The following IQCJ variants were observed in gnomAD, a reference collection of about 807,000 sequenced individuals.
IQCJ encodes the protein IQ domain-containing protein J.
In IQCJ, 9 loss-of-function variants were observed where a neutral mutation model predicts 11.0. The ratio of observed to expected loss-of-function variants is 0.82; its 90% CI spans 0.49 to 1.43. The LOEUF is 1.43. Ranked by LOEUF, IQCJ falls within the 40% of genes most tolerant of loss-of-function variation. IQCJ has a pLI of 0.00. For missense variants in IQCJ, 146 were observed against 133.2 expected (o/e 1.10, Z -0.47); for synonymous variants, 55 against 51.3 (o/e 1.07, Z -0.31).
At chr3:159,072,097 A>T (rs1357878609) in intron 1 of IQCJ, among the ~76,000 whole-genome samples, 1 of 152,160 alleles carries the variant, frequency 6.6e-6, no homozygotes, top group Non-Finnish European at 1.5e-5. Context: ...CTCCTGTTTA[A>T]AGATACCATT....
intron 1 of IQCJ, among the ~76,000 whole-genome samples, chr3:159,129,168 CT>C (rs1719848790): frequency 6.6e-6 from 1 of 152,142 alleles, no homozygotes; most frequent in Non-Finnish European, 1.5e-5. Context: ...GTATTTCCAT[CT>C]CGTAGATAAG....
chr3:159,221,991 A>G (rs1456478426), intron 1 of IQCJ, among the ~76,000 whole-genome samples: 2 of 152,170 alleles, frequency 1.3e-5, no homozygotes, highest in African/African-American at 4.8e-5. Context: ...TCTGACTAAT[A>G]TTGAAAAACA....
At chr3:159,219,354 G>T (rs1725409798) in intron 1 of IQCJ, among the ~76,000 whole-genome samples, 1 of 152,076 alleles carries the variant, frequency 6.6e-6, no homozygotes, top group Admixed American at 6.6e-5. Flanking sequence ...AGGAAGGATG[G>T]AGGGAAGTCT....
At chr3:159,194,679 ACTT>A (rs1448297981) in intron 1 of IQCJ, among the ~76,000 whole-genome samples, 1 of 152,146 alleles carries the variant, frequency 6.6e-6, no homozygotes, top group African/African-American at 2.4e-5. Context: ...TTAGCATCCT[ACTT>A]CTTTGAACCA....
At chr3:159,076,295 G>C (rs1418130212) in intron 1 of IQCJ, among the ~76,000 whole-genome samples, 2 of 152,020 alleles carry the variant, frequency 1.3e-5, no homozygotes, top group Non-Finnish European at 2.9e-5. Flanking sequence ...GACAATTTGA[G>C]CTCATACTTT....
chr3:159,161,866 C>T (rs1159599421), intron 1 of IQCJ, among the ~76,000 whole-genome samples: 1 of 152,130 alleles, frequency 6.6e-6, no homozygotes, highest in Non-Finnish European at 1.5e-5. Flanking sequence ...TTTCTGAGGG[C>T]TCTGTTCTGT....
chr3:159,205,667 C>G (rs1258481935), intron 1 of IQCJ, among the ~76,000 whole-genome samples: 1 of 152,162 alleles, frequency 6.6e-6, no homozygotes, highest in Non-Finnish European at 1.5e-5. Context: ...GGCCAGACAT[C>G]TTTTTTGGTA....
chr3:159,246,848 T>C (rs888983687), intron 2 of IQCJ, among the ~76,000 whole-genome samples: 2 of 152,048 alleles, frequency 1.3e-5, no homozygotes, highest in Admixed American at 6.6e-5. Flanking sequence ...CTCCAGAAAA[T>C]AGAACAAGAG....
intron 1 of IQCJ, among the ~76,000 whole-genome samples, chr3:159,206,800 G>T (rs1724680637): frequency 1.3e-5 from 2 of 152,258 alleles, no homozygotes; most frequent in Non-Finnish European, 2.9e-5. Flanking sequence ...AGCAACCAAA[G>T]AACTCTGATA....
intron 1 of IQCJ, among the ~76,000 whole-genome samples, chr3:159,153,326 G>A (rs746423831): frequency 3.3e-5 from 5 of 152,036 alleles, no homozygotes; most frequent in South Asian, 2.1e-4. Context: ...CCCAAATAAC[G>A]GAAACCCTCT....
chr3:159,193,717 A>G (rs13059800), intron 1 of IQCJ, among the ~76,000 whole-genome samples: 20,980 of 152,112 alleles, frequency 0.14, 1,632 homozygotes, highest in Middle Eastern at 0.2. Context: ...AATGTAATCA[A>G]CTTGCCACCA....
intron 1 of IQCJ, among the ~76,000 whole-genome samples, chr3:159,125,575 G>C (rs563154466): frequency 6.6e-6 from 1 of 152,304 alleles, no homozygotes; most frequent in South Asian, 2.1e-4. Flanking sequence ...TACTACGTTT[G>C]TATTTTTCCT....
At chr3:159,135,714 C>G (rs1720250736) in intron 1 of IQCJ, among the ~76,000 whole-genome samples, 2 of 152,116 alleles carry the variant, frequency 1.3e-5, no homozygotes, top group African/African-American at 4.8e-5. Context: ...ACTTCTTTCG[C>G]TGGCCATACC....
chr3:159,239,699 T>C (rs1726798566), intron 1 of IQCJ, among the ~76,000 whole-genome samples: 7 of 152,256 alleles, frequency 4.6e-5, no homozygotes, highest in Admixed American at 4.6e-4. Flanking sequence ...TAATGCCGTT[T>C]GGCCAATATT....
chr3:159,120,587 G>C (rs927016256), intron 1 of IQCJ, among the ~76,000 whole-genome samples: 1 of 152,204 alleles, frequency 6.6e-6, no homozygotes, highest in Middle Eastern at 3.2e-3. Context: ...TGAACATATA[G>C]CATCCTTTCT....
intron 3 of IQCJ, among the ~76,000 whole-genome samples, chr3:159,256,077 C>T (rs1012981234): frequency 1.1e-4 from 16 of 152,212 alleles, no homozygotes; most frequent in Admixed American, 6.5e-5. Context: ...CCTTGTAATT[C>T]ACTCTTTTCA....
intron 1 of IQCJ, among the ~76,000 whole-genome samples, chr3:159,093,042 A>T (rs1232734420): frequency 6.6e-6 from 1 of 151,646 alleles, no homozygotes; most frequent in African/African-American, 2.4e-5. Flanking sequence ...CCTCGGTGGT[A>T]GTTCAAACTT....
downstream of IQCJ, among the ~76,000 whole-genome samples, chr3:159,263,968 C>T (rs908159742): frequency 3.3e-5 from 5 of 152,138 alleles, no homozygotes; most frequent in Admixed American, 6.5e-5. Context: ...CAGGGCTTCT[C>T]GTTTGTGTCT....
chr3:159,188,919 T>A (rs1263989252), intron 1 of IQCJ, among the ~76,000 whole-genome samples: 1 of 152,198 alleles, frequency 6.6e-6, no homozygotes, highest in African/African-American at 2.4e-5. Flanking sequence ...ATTTATACCT[T>A]AAACTAGAAT....
Sources: gnomAD v4.1 joint callset for allele counts (sites outside exome capture counted in the v4.1 genomes callset) on GRCh38, gnomAD v4.1.1 for gene constraint, MANE v1.5 for transcripts, NCBI Gene and HGNC (gene_info 2026-07-23, HGNC 2026-07-21) for gene names.